Variants in AGAP1 observed in about 807,000 individuals in gnomAD.
AGAP1 encodes the protein ArfGAP with GTPase domain, ankyrin repeat and PH domain 1.
A neutral mutation model predicts 105.3 loss-of-function variants in AGAP1; 29 were observed. The observed-to-expected ratio is 0.28, with a 90% confidence interval of 0.21 to 0.38. The LOEUF (loss-of-function observed/expected upper bound fraction) is 0.38. Ranked by LOEUF, AGAP1 falls within the 10% of genes least tolerant of loss-of-function variation. The pLI is 1.00. For missense variants in AGAP1, 998 were observed against 1,165.1 expected, an observed-to-expected ratio of 0.86 and a Z score of 2.09; for synonymous variants, 509 against 485.9, an observed-to-expected ratio of 1.05 and a Z score of -0.63.
rs1947121711 is a variant in AGAP1, at chr2:235,639,542, A to G, written c.164-69637A>G. 6.6e-6 allele frequency among the ~76,000 whole-genome samples: 1 copy of G among 152,046 alleles called. No individual in the cohort carries two copies. The highest frequency in any genetic ancestry group is 2.1e-4 in the South Asian group (1 of 4,818). ...TGAACAGATGTGGAAACATCGTGGG[A>G]TGATCTCATGGTGGGTGGGACTTGT... On this transcript the variant is annotated intron_variant, in intron 1 of 17. Coordinates refer to ENST00000304032, the MANE Select transcript of AGAP1 (RefSeq NM_001037131.3). This position sits in a 1 kb window ranked among gnomAD's most constrained non-coding sequence, Gnocchi z 5.3.
rs1002274943 is a variant in AGAP1, at chr2:235,753,616, G to A, written c.673+3128G>A. On this transcript the variant is annotated intron_variant, in intron 6 of 17. Coordinates refer to ENST00000304032, the MANE Select transcript of AGAP1 (RefSeq NM_001037131.3). This position sits in a 1 kb window ranked among gnomAD's most constrained non-coding sequence, Gnocchi z 4.5. ...AGCTACTCAGGAAGCCAAGGCAGGA[G>A]AATCGCTTGAACCTGGGAGGCGGAG... Among the ~76,000 whole-genome samples the A allele has an allele frequency of 6.6e-6, 1 of 151,900 alleles. No homozygotes were observed. Among genetic ancestry groups the A allele is most frequent in the Non-Finnish European group, 1.5e-5 (1 of 67,998 alleles).
intron 6 of AGAP1, among the ~76,000 whole-genome samples, chr2:235,756,583 C>G (rs1953944704): frequency 1.3e-5 from 2 of 152,138 alleles, no homozygotes; most frequent in Admixed American, 6.5e-5. Flanking sequence ...GTGAGTGGTC[C>G]ACAGTGTGGT....
At chr2:235,513,522 GAAAAAAAAAAA>G (rs5839595) in intron 1 of AGAP1, among the ~76,000 whole-genome samples, 4 of 73,228 alleles carry the variant, frequency 5.5e-5, no homozygotes, top group African/African-American at 2.4e-4. Context: ...CTCCGTCTCA[GAAAAAAAAAAA>G]AAAAAAAAAA....
chr2:235,807,008 A>C (rs554878279), intron 8 of AGAP1, among the ~76,000 whole-genome samples: 1 of 152,338 alleles, frequency 6.6e-6, no homozygotes, highest in South Asian at 2.1e-4. Flanking sequence ...GAATTAAAAG[A>C]TAATTCTGTG....
In AGAP1 at chr2:236,050,735, GTT is replaced by G. The variant is rs1455229339; in HGVS notation, c.2114+1456_2114+1457del. Among the ~76,000 whole-genome samples, 1 of 152,136 alleles carries G rather than the reference GTT, an allele frequency of 6.6e-6. No individual in the cohort carries two copies. The highest frequency in any genetic ancestry group is 1.5e-5 in the Non-Finnish European group (1 of 68,028). The stretch of plus-strand genomic sequence containing the variant: ...GCTGGAAAAATCTATGCATCTTACT[GTT>G]TATATGTAAAAGAAGCACATTCACT... On this transcript the variant is annotated intron_variant, in intron 16 of 17. Coordinates refer to ENST00000304032, the MANE Select transcript of AGAP1 (RefSeq NM_001037131.3). This position sits in a 1 kb window ranked among gnomAD's most constrained non-coding sequence, Gnocchi z 4.0.
In AGAP1 at chr2:235,979,019, A is replaced by T. The variant is rs114375648; in HGVS notation, c.1645+10396A>T. ...GACATCTCTCTTGAAATTTTTTTGGACTTACGGACATTTAATTCAGATGCA... is the reference window on the plus strand; with the variant it reads ...GACATCTCTCTTGAAATTTTTTTGGTCTTACGGACATTTAATTCAGATGCA... On this transcript the variant is annotated intron_variant, in intron 13 of 17. Coordinates refer to ENST00000304032, the MANE Select transcript of AGAP1 (RefSeq NM_001037131.3). The surrounding 1 kb of genome is among the most constrained non-coding windows in gnomAD (Gnocchi z 4.5). Among the ~76,000 whole-genome samples, 567 of 151,984 alleles carry T rather than the reference A, an allele frequency of 3.7e-3. 7 individuals are homozygous for T. The highest frequency in any genetic ancestry group is 0.012 in the African/African-American group (511 of 41,380).
In AGAP1 at chr2:235,793,350, G is replaced by A. The variant is rs573703202; in HGVS notation, c.674-4409G>A. On this transcript the variant is annotated intron_variant, in intron 6 of 17. Transcript: ENST00000304032. The surrounding 1 kb of genome is among the most constrained non-coding windows in gnomAD (Gnocchi z 5.3). ...CACACTCAGTCCTTTTCAGCATTTT[G>A]TTTAGTTACCCAATCCATTTCATTT... Among the ~76,000 whole-genome samples, 1 of 152,268 alleles carries A rather than the reference G, an allele frequency of 6.6e-6. No homozygotes were observed. The highest frequency in any genetic ancestry group is 1.9e-4 in the East Asian group (1 of 5,160).
rs373594168 is a variant in AGAP1 at position 235,621,910 on chromosome 2, C to G, written c.164-87269C>G. On this transcript the variant is annotated intron_variant, in intron 1 of 17. Coordinates refer to ENST00000304032, the MANE Select transcript of AGAP1 (RefSeq NM_001037131.3). This position sits in a 1 kb window ranked among gnomAD's most constrained non-coding sequence, Gnocchi z 4.1. ...AGGGAGTGCCGCGCAGACCCCCCCA[C>G]CCCCTCAGAACAGCGGCCACTGTGT... 6.6e-6 allele frequency among the ~76,000 whole-genome samples: 1 copy of G among 150,622 alleles called. No homozygotes were observed. The highest frequency in any genetic ancestry group is 6.6e-5 in the Admixed American group (1 of 15,060).
intron 13 of AGAP1, among the ~76,000 whole-genome samples, chr2:235,984,565 G>T (rs2055228828): frequency 6.7e-6 from 1 of 149,486 alleles, no homozygotes; most frequent in Non-Finnish European, 1.5e-5. Flanking sequence ...ATGGTGGTTT[G>T]CGGCACCTAT....
chr2:235,917,611 T>C (rs2051957560), intron 11 of AGAP1, among the ~76,000 whole-genome samples: 1 of 151,902 alleles, frequency 6.6e-6, no homozygotes, highest in Non-Finnish European at 1.5e-5. Context: ...CGTGGTGCAC[T>C]TGGGGGAGAG....
intron 1 of AGAP1, among the ~76,000 whole-genome samples, chr2:235,575,254 A>G (rs1299884672): frequency 6.6e-6 from 1 of 152,232 alleles, no homozygotes; most frequent in Non-Finnish European, 1.5e-5. Context: ...AGTGTTTCCA[A>G]AATTCCTAAA....
chr2:235,642,750 A>G lies in AGAP1; in HGVS notation c.164-66429A>G, dbSNP rs938142959. On this transcript the variant is annotated intron_variant, in intron 1 of 17. Transcript: ENST00000304032. The surrounding 1 kb of genome is among the most constrained non-coding windows in gnomAD (Gnocchi z 4.1). ...CTGCTTATGTGAGATGTGCAGACAT[A>G]ATTCTTGCTTTTAGAAGGAGGGGGG... Among the ~76,000 whole-genome samples, 2 of 152,262 alleles carry G rather than the reference A, an allele frequency of 1.3e-5. No homozygotes were observed. Among genetic ancestry groups the G allele is most frequent in the East Asian group, 3.8e-4 (2 of 5,198 alleles).
intron 11 of AGAP1, among the ~76,000 whole-genome samples, chr2:235,925,276 G>A (rs1232846494): frequency 6.6e-6 from 1 of 152,058 alleles, no homozygotes; most frequent in Non-Finnish European, 1.5e-5. Flanking sequence ...TCCTTCTAGG[G>A]AAATACAGAC....
intron 11 of AGAP1, among the ~76,000 whole-genome samples, chr2:235,925,485 T>C (rs1374166329): frequency 2.0e-5 from 3 of 152,140 alleles, no homozygotes; most frequent in African/African-American, 7.2e-5. Flanking sequence ...GGGCGTGGCT[T>C]CCTGCAGACC....
Position 236,089,151 on chromosome 2 carries a change from G to A in AGAP1, c.2115-31041G>A, listed in dbSNP as rs868780917. ...TCAGACCGCTCACGTGGGTGGCAGC[G>A]TCCAAGTCCAGTTTGTACATTTCTG... On this transcript the variant is annotated intron_variant, in intron 16 of 17. Transcript: ENST00000304032. The surrounding 1 kb of genome is among the most constrained non-coding windows in gnomAD (Gnocchi z 5.6). Among the ~76,000 whole-genome samples the A allele has an allele frequency of 6.6e-6, 1 of 152,140 alleles. No homozygotes were observed. The highest frequency in any genetic ancestry group is 2.4e-5 in the African/African-American group (1 of 41,426).
In AGAP1 at chr2:235,719,635, T is replaced by C. The variant is rs1159482956; in HGVS notation, c.310+1991T>C. On this transcript the variant is annotated intron_variant, in intron 3 of 17. Transcript: ENST00000304032. This position sits in a 1 kb window ranked among gnomAD's most constrained non-coding sequence, Gnocchi z 4.9. ...GAGCGTGGGTGAGTACCTTCCTTTCTTCATCTGCAAAGTGGAAGTAGCTCA... is the reference window on the plus strand; with the variant it reads ...GAGCGTGGGTGAGTACCTTCCTTTCCTCATCTGCAAAGTGGAAGTAGCTCA... 6.6e-6 allele frequency among the ~76,000 whole-genome samples: 1 copy of C among 152,246 alleles called. No individual in the cohort carries two copies. Among genetic ancestry groups the C allele is most frequent in the African/African-American group, 2.4e-5 (1 of 41,462 alleles).
rs2060060035 is a variant in AGAP1 at position 236,129,877 on chromosome 2, C to T, written c.*5755C>T. 2 of 152,204 alleles carry T rather than the reference C, an allele frequency of 1.3e-5. No individual in the cohort carries two copies. The highest frequency in any genetic ancestry group is 4.1e-4 in the South Asian group (2 of 4,828). 9.4% of individuals were successfully genotyped at this position (152,204 alleles called of 1,614,324 possible). On this transcript the variant is annotated 3_prime_UTR_variant, in exon 18 of 18. Transcript: ENST00000304032. The surrounding 1 kb of genome is among the most constrained non-coding windows in gnomAD (Gnocchi z 6.2). ...GTAGTAAACACCCACCCCAGAGCAG[C>T]GGTAAGCAAACCTAAATCTGAAAAC...
Position 236,123,809 on chromosome 2 carries a change from G to A in AGAP1, c.2371-110G>A, listed in dbSNP as rs182878938. 5 of 1,346,068 alleles carry A rather than the reference G, an allele frequency of 3.7e-6. No homozygotes were observed. In the Admixed American group the frequency reaches 8.0e-5, roughly 22 times the overall value. The allele number at this position is 1,346,068 out of a possible 1,614,324, so 83.4% of individuals were successfully genotyped here. ...GGCACCCCAGCCAGTTGTGTAGCTG[G>A]CCCCGCTGTCCAAGCACAAGCCACA... On this transcript the variant is annotated intron_variant, in intron 17 of 17. Transcript: ENST00000304032. The surrounding 1 kb of genome is among the most constrained non-coding windows in gnomAD (Gnocchi z 4.6).
chr2:235,759,125 C>CATTCTG (rs1559446469), intron 6 of AGAP1, among the ~76,000 whole-genome samples: 2 of 146,450 alleles, frequency 1.4e-5, no homozygotes, highest in African/African-American at 5.1e-5. Context: ...GTTTGGGAGA[C>CATTCTG]ATTCTGGTGT....
Sources: allele counts gnomAD v4.1 joint callset (sites outside exome capture counted in the v4.1 genomes callset), GRCh38; gene constraint gnomAD v4.1.1; non-coding constraint Gnocchi (gnomAD v3.1); transcripts MANE v1.5; gene names NCBI Gene and HGNC (gene_info 2026-07-23, HGNC 2026-07-21).